ZSCAN26: variants seen among roughly 807,000 people sequenced by gnomAD.
ZSCAN26 encodes the protein zinc finger and SCAN domain containing 26, also known as zinc finger and SCAN domain-containing protein 26.
ZSCAN26 carries 26 observed loss-of-function variants against 23.0 expected under a neutral mutation model. The ratio of observed to expected loss-of-function variants is 1.13; its 90% CI spans 0.83 to 1.57. The LOEUF is 1.57. Ranked by LOEUF, ZSCAN26 falls within the 40% of genes most tolerant of loss-of-function variation. The pLI, the probability that ZSCAN26 is intolerant of heterozygous loss-of-function variation, is 0.00. For missense variants in ZSCAN26, 528 were observed against 568.5 expected, an observed-to-expected ratio of 0.93 and a Z score of 0.72; for synonymous variants, 180 against 202.5, an observed-to-expected ratio of 0.89 and a Z score of 0.94.
chr6:28,276,276 CTG>C lies in ZSCAN26; in HGVS notation c.621_622del (p.Glu208ThrfsTer6). The C allele has an allele frequency of 6.2e-7, 1 of 1,613,966 alleles. No individual in the cohort carries two copies. ...AGAGTAGAGTCATCTGGGAAAATAT[CTG>C]AACCCATGGAGGCTCATAATGAGGG... On this transcript the variant is annotated frameshift_variant, in exon 4 of 4. Transcript: ENST00000421553. LOFTEE classifies it low-confidence loss of function (END_TRUNC).
chr6:28,273,751 C>G (rs1020924416), intron 3 of ZSCAN26, among the ~76,000 whole-genome samples: 2 of 149,114 alleles, frequency 1.3e-5, no homozygotes, highest in Non-Finnish European at 3.0e-5. Context: ...CAGGGTCTTG[C>G]TCTGTCTTCA....
rs770434648 is a variant in ZSCAN26 at position 28,272,248 on chromosome 6, G to C, written c.329G>C (p.Arg110Pro). 1 of 1,612,104 alleles carries C rather than the reference G, an allele frequency of 6.2e-7. No individual in the cohort carries two copies. Among genetic ancestry groups the C allele is most frequent in the Non-Finnish European group, 8.5e-7 (1 of 1,179,090 alleles). The stretch of plus-strand genomic sequence containing the variant: ...ATCCTGCCTAAGGAGCTCCAGGCCC[G>C]GGTGCAGGAGCATCACCCAGAGAGC... The part of the protein sequence containing the change: ...LIILPKELQA[R>P]VQEHHPESRE... Residue 110 changes from arginine (R) to proline (P), a missense_variant, in exon 2 of 4, where the codon CGG (arginine) becomes CCG (proline). Arg to Pro is a moderately radical substitution (Grantham distance 103). Transcript: ENST00000421553.
chr6:28,271,705 A>G (rs1325669766), intron 1 of ZSCAN26, 149 bp from the exon 2 acceptor site: 8 of 545,248 alleles, frequency 1.5e-5, no homozygotes, highest in Non-Finnish European at 2.6e-5. Flanking sequence ...ATTCTGTAAG[A>G]TAGTTTTTTC....
intron 3 of ZSCAN26, among the ~76,000 whole-genome samples, chr6:28,274,051 T>A (rs1436898446): frequency 6.6e-6 from 1 of 151,966 alleles, no homozygotes; most frequent in Non-Finnish European, 1.5e-5. Flanking sequence ...GAAATTCTTC[T>A]TCCTAATTTT....
In ZSCAN26 at chr6:28,277,909, G is replaced by A. The variant is rs529148003; in HGVS notation, c.*813G>A. On this transcript the variant is annotated 3_prime_UTR_variant, in exon 4 of 4. Coordinates refer to ENST00000421553, the MANE Select transcript of ZSCAN26 (RefSeq NM_001023560.4). ...GCTGCATAGACACTATTCAGTAAAT[G>A]TCTGATGAAAGAAATTGGACTTTTT... 3.3e-5 allele frequency: 5 copies of A among 152,314 alleles called. No individual in the cohort carries two copies. Among genetic ancestry groups the A allele is most frequent in the African/African-American group, 1.2e-4 (5 of 41,564 alleles). 9.4% of individuals were successfully genotyped at this position (152,314 alleles called of 1,614,324 possible). A position where few individuals can be genotyped will look rare whatever the true frequency, so the allele number is the denominator to read the frequency against.
intron 3 of ZSCAN26, among the ~76,000 whole-genome samples, 164 bp from the exon 4 acceptor site, chr6:28,276,031 T>C (rs1761913923): frequency 6.6e-6 from 1 of 152,236 alleles, no homozygotes; most frequent in South Asian, 2.1e-4. Flanking sequence ...CAGTTAACAA[T>C]GTCTTGTGTA....
intron 1 of ZSCAN26, among the ~76,000 whole-genome samples, chr6:28,268,017 A>G (rs185918844): frequency 2.6e-5 from 4 of 152,260 alleles, no homozygotes; most frequent in African/African-American, 9.6e-5. Flanking sequence ...GACAGTAAGA[A>G]GGCAAATATA....
rs1408037635 is a variant in ZSCAN26, at chr6:28,276,493, A to G, written c.837A>G (p.Arg279=). 1 of 1,613,970 alleles carries G rather than the reference A, an allele frequency of 6.2e-7. No individual in the cohort carries two copies. Among genetic ancestry groups the G allele is most frequent in the Non-Finnish European group, 8.5e-7 (1 of 1,179,860 alleles). ...CAGGACATAAGAAAGTCCTCTCTAG[A>G]GAGAAAGGTCATCAGTGTCATGAGT... ...SLTGHKKVLS[R]EKGHQCHECG... is the part of the protein sequence containing the mutation. The change falls in exon 4 of 4, where the codon AGA becomes AGG. Residue 279 remains arginine (R), a synonymous_variant. Coordinates refer to ENST00000421553, the MANE Select transcript of ZSCAN26 (RefSeq NM_001023560.4).
rs1420582393 is a variant in ZSCAN26 at position 28,272,734 on chromosome 6, A to C, written c.485A>C (p.Gln162Pro). ...GAGATGGCCCCTCTGAAAGGAGTAC[A>C]GGAACAGCAGGTTCGGCATGAGTGT... ...VEEMAPLKGV[Q>P]EQQVRHECEV... The change falls in exon 3 of 4, where the codon CAG becomes CCG. Residue 162 changes from glutamine to proline, a missense_variant. By Grantham distance (76) the Gln-to-Pro change is moderately conservative (BLOSUM62 -1). Coordinates refer to ENST00000421553, the MANE Select transcript of ZSCAN26 (RefSeq NM_001023560.4). 6.2e-7 allele frequency: 1 copy of C among 1,613,614 alleles called. No homozygotes were observed. The highest frequency in any genetic ancestry group is 1.1e-5 in the South Asian group (1 of 90,902).
At chr6:28,272,586 T>C in intron 2 of ZSCAN26, 84 bp from the exon 3 acceptor site, 1 of 1,187,470 alleles carries the variant, frequency 8.4e-7, no homozygotes, top group Non-Finnish European at 1.2e-6. Context: ...CTTCTCTTTT[T>C]TAACACCTAG....
In ZSCAN26 at chr6:28,273,315, G is replaced by A. The variant is rs530289096; in HGVS notation, c.538+528G>A. Among the ~76,000 whole-genome samples, 17 of 152,242 alleles carry A rather than the reference G, an allele frequency of 1.1e-4. No homozygotes were observed. The South Asian group carries it at 3.5e-3, about 32-fold the overall frequency. On this transcript the variant is annotated intron_variant, in intron 3 of 3. Coordinates refer to ENST00000421553, the MANE Select transcript of ZSCAN26 (RefSeq NM_001023560.4). ...CCCAACACTTTGGGGGGCCAAGGTG[G>A]GTAGGTATACGAGGTCAGGAGTTCA... is the stretch of plus-strand genomic sequence containing the variant.
Position 28,276,774 on chromosome 6 carries a change from G to A in ZSCAN26, c.1118G>A (p.Gly373Glu). Residue 373 changes from glycine (G) to glutamate (E), a missense_variant, in exon 4 of 4, where the codon GGA becomes GAA. Coordinates refer to ENST00000421553, the MANE Select transcript of ZSCAN26 (RefSeq NM_001023560.4). ...QEEPCECKEC[G>E]KTFSQALLLT... ...GAGCCCTGTGAGTGCAAGGAGTGTGGAAAAACCTTTAGTCAGGCCTTACTC... is the reference window on the plus strand; with the variant it reads ...GAGCCCTGTGAGTGCAAGGAGTGTGAAAAAACCTTTAGTCAGGCCTTACTC... 1 of 1,613,906 alleles carries A rather than the reference G, an allele frequency of 6.2e-7. No homozygotes were observed. The highest frequency in any genetic ancestry group is 8.5e-7 in the Non-Finnish European group (1 of 1,179,866).
chr6:28,267,303 A>C (rs1015210932), intron 1 of ZSCAN26, 90 bp downstream of exon 1: 2 of 152,336 alleles, frequency 1.3e-5, no homozygotes, highest in Admixed American at 6.5e-5. Context: ...GGTGCAGAGA[A>C]TCTTCCCTCG....
Position 28,272,665 on chromosome 6 carries a change from C to A in ZSCAN26, c.421-5C>A. 6.3e-7 allele frequency: 1 copy of A among 1,588,778 alleles called. No individual in the cohort carries two copies. The highest frequency in any genetic ancestry group is 8.6e-7 in the Non-Finnish European group (1 of 1,167,422). The stretch of plus-strand genomic sequence containing the variant: ...TTATGCCTCCATATACCTAATTGTC[C>A]CTAGGACCCAGACCAGCCAAAGAAA... On this transcript the variant is annotated splice_region_variant and splice_polypyrimidine_tract_variant and intron_variant, in intron 2 of 3. Transcript: ENST00000421553.
At chr6:28,268,767 A>G (rs1163976913) in intron 1 of ZSCAN26, among the ~76,000 whole-genome samples, 1 of 152,184 alleles carries the variant, frequency 6.6e-6, no homozygotes. Context: ...TTTATTATAT[A>G]TTGTGTTTGA....
In ZSCAN26 at chr6:28,272,005, A is replaced by G. The variant is rs1482360739; in HGVS notation, c.86A>G (p.Tyr29Cys). The change falls in exon 2 of 4, where the codon TAC (tyrosine) becomes TGC (cysteine). Residue 29 changes from tyrosine (Y) to cysteine (C), a missense_variant. By Grantham distance (194) the Tyr-to-Cys change is radical. Coordinates refer to ENST00000421553, the MANE Select transcript of ZSCAN26 (RefSeq NM_001023560.4). The part of the protein sequence containing the change: ...EGLRVVREDH[Y>C]STWEQGFKLQ... ...CTTCGGGTAGTGAGGGAGGATCACT[A>G]CTCTACTTGGGAACAGGGATTCAAG... is the stretch of plus-strand genomic sequence containing the variant. 7 of 1,551,518 alleles carry G rather than the reference A, an allele frequency of 4.5e-6. No homozygotes were observed. Among genetic ancestry groups the G allele is most frequent in the African/African-American group, 4.1e-5 (3 of 73,016 alleles).
intron 3 of ZSCAN26, 144 bp from the exon 4 acceptor site, chr6:28,276,051 A>ACCATTGTGT: frequency 1.4e-6 from 1 of 695,326 alleles, no homozygotes; most frequent in Non-Finnish European, 2.4e-6. Flanking sequence ...ACCATTCTGT[A>ACCATTGTGT]ACTATTTTAC....
intron 1 of ZSCAN26, among the ~76,000 whole-genome samples, chr6:28,268,681 G>A (rs556295722): frequency 2.6e-5 from 4 of 152,316 alleles, no homozygotes; most frequent in African/African-American, 9.6e-5. Context: ...AGATATGAAA[G>A]GAGGAAGGAA....
intron 1 of ZSCAN26, among the ~76,000 whole-genome samples, chr6:28,268,231 G>T (rs894723676): frequency 1.3e-5 from 2 of 152,048 alleles, no homozygotes; most frequent in African/African-American, 2.4e-5. Flanking sequence ...AGTTGTCCTG[G>T]CTCATTGTTT....
Sources: gnomAD v4.1 joint callset for allele counts (sites outside exome capture counted in the v4.1 genomes callset) on GRCh38, gnomAD v4.1.1 for gene constraint, MANE v1.5 for transcripts, NCBI Gene and HGNC (gene_info 2026-07-23, HGNC 2026-07-21) for gene names.